PRKG1: variants seen among roughly 807,000 people sequenced by gnomAD.
PRKG1 encodes protein kinase cGMP-dependent 1, also known as cGMP-dependent protein kinase 1.
Under a neutral mutation model 88.1 loss-of-function variants are expected in PRKG1, and 35 were observed. The ratio of observed to expected loss-of-function variants is 0.40; its 90% CI spans 0.30 to 0.53. The LOEUF is 0.53. Among genes scored for constraint, PRKG1 ranks in the 20% least tolerant of loss-of-function variants. The pLI is 0.59. For synonymous variants in PRKG1, 303 were observed against 292.5 expected, an observed-to-expected ratio of 1.04 and a Z score of -0.37; for missense variants, 540 against 839.8, an observed-to-expected ratio of 0.64 and a Z score of 4.41.
At chr10:51,475,068 T>C (rs1271198348) in intron 3 of PRKG1, among the ~76,000 whole-genome samples, 1 of 151,992 alleles carries the variant, frequency 6.6e-6, no homozygotes, top group Non-Finnish European at 1.5e-5. Flanking sequence ...TGAAGTGCAT[T>C]AGTGTAGTTC....
At chr10:51,785,263 C>T (rs945659101) in intron 3 of PRKG1, among the ~76,000 whole-genome samples, 3 of 151,830 alleles carry the variant, frequency 2.0e-5, no homozygotes, top group Non-Finnish European at 4.4e-5. Flanking sequence ...TTGAGTATAA[C>T]CTCTAGTGTT....
intron 8 of PRKG1, among the ~76,000 whole-genome samples, chr10:52,148,846 T>C (rs1406395211): frequency 6.6e-6 from 1 of 151,322 alleles, no homozygotes; most frequent in African/African-American, 2.4e-5. Context: ...GAAAGAAAGA[T>C]GGGAATAGAA....
intron 3 of PRKG1, chr10:51,568,558 C>T (rs2132162911): frequency 6.6e-6 from 1 of 152,024 alleles, no homozygotes; most frequent in African/African-American, 2.4e-5. Context: ...CACCTGTAAC[C>T]TTAGTTTGTA....
intron 10 of PRKG1, among the ~76,000 whole-genome samples, chr10:52,264,047 GGGCAGTTTTAT>G (rs1841502734): frequency 6.6e-6 from 1 of 151,878 alleles, no homozygotes; most frequent in East Asian, 1.9e-4. Context: ...TTGAATTTTA[GGGCAGTTTTAT>G]GGCTTCTGTA....
At chr10:51,335,342 G>A (rs1461136279) in intron 2 of PRKG1, among the ~76,000 whole-genome samples, 1 of 151,984 alleles carries the variant, frequency 6.6e-6, no homozygotes, top group Non-Finnish European at 1.5e-5. Flanking sequence ...TTTTAGTTCT[G>A]TTGTTTTTGA....
chr10:51,830,568 T>G (rs1338019729), intron 4 of PRKG1, among the ~76,000 whole-genome samples: 4 of 134,204 alleles, frequency 3.0e-5, no homozygotes, highest in East Asian at 4.4e-4. Flanking sequence ...TTGTTTTTTT[T>G]TTTTTTTTTT....
intron 4 of PRKG1, among the ~76,000 whole-genome samples, chr10:51,847,746 C>T (rs1378861454): frequency 1.4e-5 from 2 of 143,342 alleles, no homozygotes; most frequent in Non-Finnish European, 3.0e-5. Context: ...TGTGGTAGTG[C>T]ATGCCTGTAG....
chr10:52,266,977 T>G (rs2132425000), intron 10 of PRKG1, among the ~76,000 whole-genome samples: 1 of 152,082 alleles, frequency 6.6e-6, no homozygotes, highest in Middle Eastern at 3.4e-3. Flanking sequence ...TGTTCTCCTT[T>G]TTTGCTGGCT....
chr10:51,203,264 T>C, intron 2 of PRKG1, among the ~76,000 whole-genome samples: 1 of 152,170 alleles, frequency 6.6e-6, no homozygotes. Flanking sequence ...TTGGTGACAA[T>C]TTAATGGCAG....
At chr10:51,277,107 A>C (rs1255126931) in intron 2 of PRKG1, among the ~76,000 whole-genome samples, 2 of 152,226 alleles carry the variant, frequency 1.3e-5, no homozygotes, top group East Asian at 3.9e-4. Context: ...CTAACGTTTA[A>C]GTCTTTAATC....
intron 5 of PRKG1, among the ~76,000 whole-genome samples, chr10:51,986,734 G>C (rs1339637641): frequency 6.6e-6 from 1 of 152,184 alleles, no homozygotes; most frequent in Admixed American, 6.5e-5. Context: ...CAGCTGCAGT[G>C]ATGTCTCACA....
intron 4 of PRKG1, among the ~76,000 whole-genome samples, chr10:51,826,215 A>C (rs1223123352): frequency 6.6e-6 from 1 of 152,156 alleles, no homozygotes; most frequent in Non-Finnish European, 1.5e-5. Context: ...ATTTAGGCTG[A>C]ATATGAGGAG....
intron 2 of PRKG1, among the ~76,000 whole-genome samples, chr10:51,157,054 T>C (rs1846232146): frequency 6.6e-6 from 1 of 151,534 alleles, no homozygotes; most frequent in Non-Finnish European, 1.5e-5. Flanking sequence ...CCTTACATAT[T>C]TTTTTTTGTT....
chr10:51,257,268 A>C (rs982917845), intron 2 of PRKG1, among the ~76,000 whole-genome samples: 2 of 151,758 alleles, frequency 1.3e-5, no homozygotes, highest in African/African-American at 4.8e-5. Context: ...ACAGCTGGAG[A>C]CGTGCAAATG....
intron 5 of PRKG1, among the ~76,000 whole-genome samples, chr10:52,048,446 T>G (rs1374333632): frequency 1.3e-5 from 2 of 152,172 alleles, no homozygotes; most frequent in Non-Finnish European, 2.9e-5. Flanking sequence ...AAATATGGTA[T>G]ATTTGATATC....
intron 3 of PRKG1, among the ~76,000 whole-genome samples, chr10:51,665,197 A>G (rs1214289091): frequency 2.0e-5 from 3 of 152,196 alleles, no homozygotes; most frequent in African/African-American, 7.2e-5. Context: ...TAAGCAAATA[A>G]AAATCTAAAT....
At chr10:51,531,807 G>A (rs982292826) in intron 3 of PRKG1, among the ~76,000 whole-genome samples, 3 of 151,712 alleles carry the variant, frequency 2.0e-5, no homozygotes, top group Admixed American at 2.0e-4. Flanking sequence ...ACTGTGCCCG[G>A]CTAATTTTTG....
At chr10:51,081,671 G>T (rs1051366082) in intron 1 of PRKG1, among the ~76,000 whole-genome samples, 3 of 152,212 alleles carry the variant, frequency 2.0e-5, no homozygotes, top group African/African-American at 7.2e-5. Flanking sequence ...ATCATCATCA[G>T]ATTGGGTAAC....
intron 5 of PRKG1, among the ~76,000 whole-genome samples, chr10:51,989,593 T>TAAA (rs11458678): frequency 5.4e-5 from 8 of 149,066 alleles, no homozygotes; most frequent in Middle Eastern, 3.5e-3. Flanking sequence ...CCAATGATGA[T>TAAA]AAAAAAAAAA....
Sources: allele counts gnomAD v4.1 joint callset (sites outside exome capture counted in the v4.1 genomes callset), GRCh38; gene constraint gnomAD v4.1.1; transcripts MANE v1.5; gene names NCBI Gene and HGNC (gene_info 2026-07-23, HGNC 2026-07-21).